MTA1: variants seen among roughly 807,000 people sequenced by gnomAD.
The protein encoded by MTA1 is metastasis-associated protein MTA1.
Under a neutral mutation model 97.0 loss-of-function variants are expected in MTA1, and 15 were observed. The observed-to-expected ratio is 0.15, with a 90% CI of 0.10 to 0.24. MTA1 has a LOEUF of 0.24. MTA1 is among the 10% of genes least tolerant of loss of function. The probability of loss-of-function intolerance (pLI) is 1.00; values close to 1 mark genes in which losing one functional copy is unlikely to be tolerated. For synonymous variants in MTA1, 435 were observed against 417.5 expected, an observed-to-expected ratio of 1.04 and a Z score of -0.51; for missense variants, 709 against 1,015.1, an observed-to-expected ratio of 0.70 and a Z score of 4.10.
At chr14:105,448,646 C>T (rs953207998) in intron 3 of MTA1, among the ~76,000 whole-genome samples, 8 of 152,168 alleles carry the variant, frequency 5.3e-5, no homozygotes, top group African/African-American at 1.9e-4. Flanking sequence ...TTCTATGGAC[C>T]GGGAGGAGGT....
At chr14:105,464,997 T>C in intron 15 of MTA1, 97 bp from the exon 16 acceptor site, 2 of 1,422,726 alleles carry the variant, frequency 1.4e-6, no homozygotes, top group South Asian at 1.4e-5. Flanking sequence ...GGTGCTGACA[T>C]GGCCGAGCCC....
chr14:105,469,123 GAC>G (rs1555433650), intron 18 of MTA1: 1 of 531,238 alleles, frequency 1.9e-6, no homozygotes, highest in East Asian at 4.7e-5. Context: ...CTGCTGGACT[GAC>G]AGCCTTGCGA....
intron 1 of MTA1, among the ~76,000 whole-genome samples, chr14:105,436,294 T>C (rs2082322637): frequency 6.6e-6 from 1 of 152,150 alleles, no homozygotes; most frequent in Non-Finnish European, 1.5e-5. Context: ...ACACTCAGCT[T>C]TTGGTTCCTC....
In MTA1 at chr14:105,464,721, C is replaced by T; in HGVS notation, c.1392C>T (p.Ala464=). The T allele has an allele frequency of 6.2e-7, 1 of 1,608,228 alleles. No homozygotes were observed. The highest frequency in any genetic ancestry group is 8.5e-7 in the Non-Finnish European group (1 of 1,176,538). The stretch of plus-strand genomic sequence containing the variant: ...GGAGCAGCGGGAGCCCCAAGTTTGC[C>T]ATGAAGACCAGGCAGGCTTTCTATC... ...PARSSGSPKF[A]MKTRQAFYLH... is the part of the protein sequence containing the mutation. The change falls in exon 15 of 21, where the codon GCC becomes GCT. Residue 464 remains alanine, a synonymous_variant. Transcript: ENST00000331320.
intron 19 of MTA1, 114 bp downstream of exon 19, chr14:105,469,612 C>T: frequency 7.5e-7 from 1 of 1,335,524 alleles, no homozygotes. Context: ...TCCAGGAGGC[C>T]TGGCAAGACC....
At chr14:105,464,608 C>T (rs200026664) in intron 14 of MTA1, 41 bp downstream of exon 14, 63 of 1,610,518 alleles carry the variant, frequency 3.9e-5, no homozygotes, top group Non-Finnish European at 4.3e-5. Flanking sequence ...ATGAGCCTGT[C>T]GGCCACGCGG....
chr14:105,452,828 A>G (rs587651053), intron 6 of MTA1, among the ~76,000 whole-genome samples: 1 of 152,370 alleles, frequency 6.6e-6, no homozygotes, highest in East Asian at 1.9e-4. Flanking sequence ...TGGACTTTAA[A>G]GGTAGCTCTT....
Position 105,464,198 on chromosome 14 carries a change from T to C in MTA1, c.1192+51T>C, listed in dbSNP as rs587703702. On this transcript the variant is annotated intron_variant, in intron 13 of 20. Transcript: ENST00000331320. ...ACACCGCACGCCCGCCTGTGGGCCG[T>C]GGTGCCTGCGTTGGCCCTGAGGGCT... 15 of 1,562,646 alleles carry C rather than the reference T, an allele frequency of 9.6e-6. No individual in the cohort carries two copies. The South Asian group carries it at 1.7e-4, about 18-fold the overall frequency.
At chr14:105,469,660 C>T in intron 19 of MTA1, 162 bp downstream of exon 19, 1 of 1,207,832 alleles carries the variant, frequency 8.3e-7, no homozygotes, top group Non-Finnish European at 1.2e-6. Flanking sequence ...GGCCCCTGTG[C>T]CAGGCCCAGC....
At chr14:105,462,552 A>G (rs2083398028) in intron 10 of MTA1, among the ~76,000 whole-genome samples, 1 of 150,866 alleles carries the variant, frequency 6.6e-6, no homozygotes. Context: ...CCTGGGCGAC[A>G]GTGCGAGACT....
chr14:105,461,003 A>G (rs1567038650), intron 10 of MTA1, 50 bp downstream of exon 10: 1 of 1,565,674 alleles, frequency 6.4e-7, no homozygotes, highest in South Asian at 1.2e-5. Context: ...GCCCATCTCC[A>G]GGTAGGCTGC....
chr14:105,449,231 C>G, intron 3 of MTA1, 128 bp from the exon 4 acceptor site: 1 of 876,902 alleles, frequency 1.1e-6, no homozygotes, highest in Non-Finnish European at 1.7e-6. Context: ...CACGCCCCAC[C>G]GGGAGGCCTG....
In MTA1 at chr14:105,420,843, TG is replaced by T. The variant is rs1320626663; in HGVS notation, c.28+786del. 6.6e-6 allele frequency among the ~76,000 whole-genome samples: 1 copy of T among 152,092 alleles called. No homozygotes were observed. The highest frequency in any genetic ancestry group is 1.5e-5 in the Non-Finnish European group (1 of 67,994). The stretch of plus-strand genomic sequence containing the variant: ...CTCCGTGGGGTCTTTCACAGGAAGG[TG>T]GGGGGTCGTGTGCATTCCATCATTC... On this transcript the variant is annotated intron_variant, in intron 1 of 20. Coordinates refer to ENST00000331320, the MANE Select transcript of MTA1 (RefSeq NM_004689.4). The surrounding 1 kb of genome is among the most constrained non-coding windows in gnomAD (Gnocchi z 5.3).
At chr14:105,466,235 A>AGGGCTTCT (rs1363900104) in intron 16 of MTA1, 191 bp from the exon 17 acceptor site, 5 of 584,298 alleles carry the variant, frequency 8.6e-6, no homozygotes, top group East Asian at 5.9e-5. Context: ...CGCCTTGCCG[A>AGGGCTTCT]GGGCTTCTGG....
At chr14:105,438,488 G>T (rs1173483805) in intron 1 of MTA1, among the ~76,000 whole-genome samples, 184 bp from the exon 2 acceptor site, 1 of 152,154 alleles carries the variant, frequency 6.6e-6, no homozygotes, top group Admixed American at 6.5e-5. Flanking sequence ...AGTCCATTTT[G>T]GTTGCAGCCA....
chr14:105,452,293 G>T (rs781885335), intron 6 of MTA1, among the ~76,000 whole-genome samples: 1 of 152,248 alleles, frequency 6.6e-6, no homozygotes, highest in Non-Finnish European at 1.5e-5. Context: ...ATAAGCAAGA[G>T]TGCAGAAACA....
At position 105,420,821 on chromosome 14, in the gene MTA1, C is replaced by T. The variant is rs1282933446; in HGVS notation, c.28+758C>T. Among the ~76,000 whole-genome samples the T allele has an allele frequency of 1.3e-5, 2 of 152,172 alleles. No individual in the cohort carries two copies. The highest frequency in any genetic ancestry group is 4.8e-5 in the African/African-American group (2 of 41,436). The stretch of plus-strand genomic sequence containing the variant: ...GCCCTCCTTCGTGTGCCTGGGACTC[C>T]GTGGGGTCTTTCACAGGAAGGTGGG... On this transcript the variant is annotated intron_variant, in intron 1 of 20. Coordinates refer to ENST00000331320, the MANE Select transcript of MTA1 (RefSeq NM_004689.4). This position sits in a 1 kb window ranked among gnomAD's most constrained non-coding sequence, Gnocchi z 5.3.
intron 1 of MTA1, 106 bp from the exon 2 acceptor site, chr14:105,438,566 G>A (rs1378177490): frequency 3.4e-5 from 32 of 930,206 alleles, no homozygotes; most frequent in Admixed American, 1.7e-5. Flanking sequence ...CAGAGGTGAG[G>A]GGATGACACT....
chr14:105,456,534 CCACCAGCTG>C (rs2083160104), intron 7 of MTA1, among the ~76,000 whole-genome samples: 2 of 152,252 alleles, frequency 1.3e-5, no homozygotes, highest in South Asian at 4.1e-4. Flanking sequence ...ACCAGGGATC[CCACCAGCTG>C]GTGTGGGGCC....
Sources: gnomAD v4.1 joint callset for allele counts (sites outside exome capture counted in the v4.1 genomes callset) on GRCh38, gnomAD v4.1.1 for gene constraint, Gnocchi (gnomAD v3.1) non-coding constraint, MANE v1.5 for transcripts, NCBI Gene and HGNC (gene_info 2026-07-23, HGNC 2026-07-21) for gene names.